ADGRL2: variants seen among roughly 807,000 people sequenced by gnomAD.
ADGRL2 encodes the protein adhesion G protein-coupled receptor L2.
In ADGRL2, 44 loss-of-function variants were observed where a neutral mutation model predicts 157.4. The observed-to-expected ratio is 0.28, with a 90% CI of 0.22 to 0.36. ADGRL2 has a LOEUF of 0.36. ADGRL2 is among the 10% of genes least tolerant of loss of function. The pLI, the probability that ADGRL2 is intolerant of heterozygous loss-of-function variation, is 1.00. For synonymous variants in ADGRL2, 585 were observed against 624.7 expected, an observed-to-expected ratio of 0.94 and a Z score of 0.95; for missense variants, 1,510 against 1,768.9, an observed-to-expected ratio of 0.85 and a Z score of 2.63.
chr1:81,892,944 ATAATAT>A (rs2094301094), intron 2 of ADGRL2, among the ~76,000 whole-genome samples: 1 of 152,160 alleles, frequency 6.6e-6, no homozygotes, highest in South Asian at 2.1e-4. Context: ...TTACTTTATA[ATAATAT>A]TAAATATAAA....
chr1:81,815,761 T>C (rs1005002243), intron 1 of ADGRL2, among the ~76,000 whole-genome samples: 3 of 151,858 alleles, frequency 2.0e-5, no homozygotes, highest in Admixed American at 2.0e-4. Context: ...AATTTTCTTA[T>C]ATTGTGTTAC....
At chr1:81,680,674 C>T (rs559558972) in intron 3 of ADGRL2, among the ~76,000 whole-genome samples, 3 of 151,996 alleles carry the variant, frequency 2.0e-5, no homozygotes, top group Non-Finnish European at 4.4e-5. Context: ...CTTTGCCGCT[C>T]GAGATCCAAT....
chr1:81,560,616 C>G (rs1395683258), intron 2 of ADGRL2, among the ~76,000 whole-genome samples: 1 of 152,152 alleles, frequency 6.6e-6, no homozygotes, highest in Non-Finnish European at 1.5e-5. Flanking sequence ...TGGAAATACA[C>G]TCTTAAAACT....
At chr1:81,828,138 C>T (rs1482934334) in intron 1 of ADGRL2, among the ~76,000 whole-genome samples, 1 of 152,214 alleles carries the variant, frequency 6.6e-6, no homozygotes, top group East Asian at 1.9e-4. Context: ...TATTGGCACA[C>T]AGCCAATGTC....
At chr1:81,915,526 T>G (rs1178520610) in intron 3 of ADGRL2, among the ~76,000 whole-genome samples, 1 of 152,190 alleles carries the variant, frequency 6.6e-6, no homozygotes, top group Admixed American at 6.5e-5. Flanking sequence ...ATTGATTGGT[T>G]GAGGAAACCA....
chr1:81,683,839 T>G (rs779032544), intron 3 of ADGRL2, among the ~76,000 whole-genome samples: 7 of 152,012 alleles, frequency 4.6e-5, no homozygotes, highest in Non-Finnish European at 7.4e-5. Context: ...TCTTTTGAGA[T>G]GGAGTCTCGC....
chr1:81,365,169 C>T (rs1017102729), intron 1 of ADGRL2, among the ~76,000 whole-genome samples: 1 of 152,110 alleles, frequency 6.6e-6, no homozygotes, highest in African/African-American at 2.4e-5. Context: ...CAAATCTTAA[C>T]CAAAAGTCAA....
chr1:81,362,822 A>G (rs1431225718), intron 1 of ADGRL2, among the ~76,000 whole-genome samples: 1 of 151,960 alleles, frequency 6.6e-6, no homozygotes, highest in Non-Finnish European at 1.5e-5. Flanking sequence ...ATCAAGTACT[A>G]TTTCATTCAG....
chr1:81,831,145 C>T (rs951202401), intron 1 of ADGRL2, among the ~76,000 whole-genome samples: 2 of 152,004 alleles, frequency 1.3e-5, no homozygotes, highest in African/African-American at 4.8e-5. Context: ...AACCTTTGTT[C>T]CATGACTATT....
chr1:81,581,029 A>AT (rs2080896365), intron 3 of ADGRL2: 1 of 152,096 alleles, frequency 6.6e-6, no homozygotes, highest in African/African-American at 2.4e-5. Context: ...TTTAAGAAAA[A>AT]TTTTCTCAGA....
chr1:81,863,550 T>C (rs1412204493), intron 2 of ADGRL2, among the ~76,000 whole-genome samples: 1 of 152,156 alleles, frequency 6.6e-6, no homozygotes, highest in Non-Finnish European at 1.5e-5. Context: ...GTGATTATTC[T>C]TAAGTTGCTG....
chr1:81,393,727 A>T (rs1237705689), intron 1 of ADGRL2, among the ~76,000 whole-genome samples: 5 of 151,318 alleles, frequency 3.3e-5, no homozygotes, highest in Non-Finnish European at 7.4e-5. Context: ...ATGCATGAGG[A>T]TAATAAACAA....
At chr1:81,761,329 A>G (rs2085874326) in intron 1 of ADGRL2, among the ~76,000 whole-genome samples, 4 of 152,106 alleles carry the variant, frequency 2.6e-5, no homozygotes, top group Admixed American at 2.6e-4. Context: ...CTTAGCCATT[A>G]TATAGTTTTA....
intron 2 of ADGRL2, among the ~76,000 whole-genome samples, chr1:81,897,592 C>G (rs1039169694): frequency 6.6e-5 from 10 of 151,992 alleles, no homozygotes; most frequent in African/African-American, 1.9e-4. Context: ...TGTGTACTTT[C>G]TTTTTAAAAT....
intron 2 of ADGRL2, among the ~76,000 whole-genome samples, chr1:81,524,029 C>T (rs2148188204): frequency 6.6e-6 from 1 of 151,494 alleles, no homozygotes; most frequent in South Asian, 2.1e-4. Context: ...TGCGATATTG[C>T]ACTCCAGCTG....
At chr1:81,475,361 G>A (rs570138884) in intron 2 of ADGRL2, among the ~76,000 whole-genome samples, 104 of 152,130 alleles carry the variant, frequency 6.8e-4, no homozygotes, top group Middle Eastern at 3.4e-3. Flanking sequence ...TATTGTTTAC[G>A]TCTTGACAAC....
intron 2 of ADGRL2, among the ~76,000 whole-genome samples, chr1:81,784,888 CCAATTT>C (rs71703539): frequency 0.044 from 6,671 of 152,016 alleles, 165 homozygotes; most frequent in East Asian, 0.062. Context: ...TGTTAATTAT[CCAATTT>C]TATGAATTAA....
At chr1:81,723,747 C>A (rs2084416588) in intron 1 of ADGRL2, among the ~76,000 whole-genome samples, 1 of 152,142 alleles carries the variant, frequency 6.6e-6, no homozygotes, top group African/African-American at 2.4e-5. Flanking sequence ...CTTGGCAGGG[C>A]AGTGGCAATC....
intron 2 of ADGRL2, among the ~76,000 whole-genome samples, chr1:81,469,534 A>G (rs1256868841): frequency 6.6e-6 from 1 of 151,996 alleles, no homozygotes; most frequent in East Asian, 1.9e-4. Flanking sequence ...CTCTTATTCA[A>G]TTTCCTATCT....
Sources: allele counts gnomAD v4.1 joint callset (sites outside exome capture counted in the v4.1 genomes callset), GRCh38; gene constraint gnomAD v4.1.1; transcripts MANE v1.5; gene names NCBI Gene and HGNC (gene_info 2026-07-23, HGNC 2026-07-21).